NKAIN2: variants seen among roughly 807,000 people sequenced by gnomAD.
NKAIN2 encodes the protein sodium/potassium-transporting ATPase subunit beta-1-interacting protein 2.
A neutral mutation model predicts 32.6 loss-of-function variants in NKAIN2; 14 were observed. The ratio of observed to expected loss-of-function variants is 0.43; its 90% CI spans 0.28 to 0.67. NKAIN2 has a LOEUF of 0.67. Ranked by LOEUF, NKAIN2 falls within the 30% of genes least tolerant of loss-of-function variation. NKAIN2 has a pLI of 0.17. For synonymous variants in NKAIN2, 80 were observed against 87.2 expected (o/e 0.92, Z 0.46); for missense variants, 198 against 258.3 (o/e 0.77, Z 1.60).
At chr6:124,441,461 A>G (rs1322969265) in intron 3 of NKAIN2, among the ~76,000 whole-genome samples, 1 of 152,006 alleles carries the variant, frequency 6.6e-6, no homozygotes, top group Non-Finnish European at 1.5e-5. Context: ...GTGACTTACA[A>G]AGCCAGATTA....
chr6:124,208,771 T>C (rs1273836845), intron 1 of NKAIN2, among the ~76,000 whole-genome samples: 2 of 28,582 alleles, frequency 7.0e-5, no homozygotes, highest in East Asian at 2.1e-3. Context: ...GAAAAATATT[T>C]ATTTATTTAA....
rs74705051 is a variant in NKAIN2, at chr6:124,057,196, C to T, written c.55-225809C>T. 7.9e-5 allele frequency among the ~76,000 whole-genome samples: 12 copies of T among 152,156 alleles called. No individual in the cohort carries two copies. In the East Asian group the frequency reaches 2.3e-3, roughly 29 times the overall value. On this transcript the variant is annotated intron_variant, in intron 1 of 6. Coordinates refer to ENST00000368417, the MANE Select transcript of NKAIN2 (RefSeq NM_001040214.3). The stretch of plus-strand genomic sequence containing the variant: ...TCAATCTTTTTGGAGAGCTCATAAA[C>T]TCTAGCTCTGTCTTCCCTAGCATGC...
chr6:124,213,132 C>T (rs771255510), intron 1 of NKAIN2, among the ~76,000 whole-genome samples: 2 of 152,184 alleles, frequency 1.3e-5, no homozygotes, highest in Middle Eastern at 3.4e-3. Context: ...TAGTGATCCC[C>T]CCAGCTGATA....
At chr6:124,053,156 A>G (rs981691430) in intron 1 of NKAIN2, among the ~76,000 whole-genome samples, 2 of 152,006 alleles carry the variant, frequency 1.3e-5, no homozygotes, top group Non-Finnish European at 2.9e-5. Context: ...GCAAACTTGC[A>G]TCATGGGAGT....
intron 6 of NKAIN2, among the ~76,000 whole-genome samples, chr6:124,821,308 A>G (rs1781386358): frequency 6.6e-6 from 1 of 151,948 alleles, no homozygotes. Context: ...AAAAAAAAAA[A>G]AGGAGAATAA....
At chr6:124,744,476 T>C (rs2114696284) in intron 4 of NKAIN2, among the ~76,000 whole-genome samples, 1 of 151,978 alleles carries the variant, frequency 6.6e-6, no homozygotes, top group African/African-American at 2.4e-5. Context: ...TGCTTATCTG[T>C]TAAAAAACAA....
chr6:124,314,372 T>G (rs895598973), intron 2 of NKAIN2, among the ~76,000 whole-genome samples: 1 of 152,156 alleles, frequency 6.6e-6, no homozygotes, highest in African/African-American at 2.4e-5. Context: ...ACATTACTCC[T>G]ATAAGTTTTG....
chr6:124,204,116 C>G (rs1321796880), intron 1 of NKAIN2, among the ~76,000 whole-genome samples: 1 of 151,782 alleles, frequency 6.6e-6, no homozygotes, highest in Non-Finnish European at 1.5e-5. Context: ...CTTATTACAC[C>G]TAAACTATAG....
At chr6:124,711,524 A>G (rs1364321854) in intron 4 of NKAIN2, among the ~76,000 whole-genome samples, 2 of 150,324 alleles carry the variant, frequency 1.3e-5, no homozygotes, top group Non-Finnish European at 3.0e-5. Context: ...ATTTCTTTTT[A>G]TTCTTTTTTC....
chr6:123,922,035 G>C (rs1007217057), intron 1 of NKAIN2, among the ~76,000 whole-genome samples: 2 of 151,984 alleles, frequency 1.3e-5, no homozygotes, highest in African/African-American at 4.8e-5. Context: ...CATTAATTTA[G>C]CTCAGGATTT....
chr6:123,828,888 A>G (rs1378033041), intron 1 of NKAIN2: 1 of 152,180 alleles, frequency 6.6e-6, no homozygotes, highest in African/African-American at 2.4e-5. Flanking sequence ...CCTTCAGGCC[A>G]GATCAGGTTC....
In NKAIN2 at chr6:124,170,935, C is replaced by T. The variant is rs111359528; in HGVS notation, c.55-112070C>T. Among the ~76,000 whole-genome samples the T allele has an allele frequency of 1.4e-3, 207 of 152,166 alleles. 1 individual carries two copies. Among genetic ancestry groups the T allele is most frequent in the African/African-American group, 4.8e-3 (198 of 41,520 alleles). ...GTTTTTTCCCCAATTCAAAGCTTAC[C>T]TTTTCACTCTGGTAAAATGCTCCTT... On this transcript the variant is annotated intron_variant, in intron 1 of 6. Coordinates refer to ENST00000368417, the MANE Select transcript of NKAIN2 (RefSeq NM_001040214.3).
At chr6:124,156,471 A>T (rs1787993236) in intron 1 of NKAIN2, among the ~76,000 whole-genome samples, 1 of 152,134 alleles carries the variant, frequency 6.6e-6, no homozygotes, top group Admixed American at 6.5e-5. Flanking sequence ...TCATATAGCC[A>T]TCTGGGGAAA....
chr6:123,914,873 A>G (rs1452535674), intron 1 of NKAIN2, among the ~76,000 whole-genome samples: 2 of 152,156 alleles, frequency 1.3e-5, no homozygotes, highest in African/African-American at 4.8e-5. Flanking sequence ...GAACTTGATC[A>G]TGCTTTTGGA....
chr6:124,503,428 T>G (rs1778367282), intron 3 of NKAIN2, among the ~76,000 whole-genome samples: 1 of 152,158 alleles, frequency 6.6e-6, no homozygotes, highest in Admixed American at 6.5e-5. Context: ...TTACTTGTGC[T>G]GATGTGAAAT....
chr6:124,760,491 T>A (rs1482686985), intron 4 of NKAIN2, among the ~76,000 whole-genome samples: 3 of 151,572 alleles, frequency 2.0e-5, no homozygotes, highest in Non-Finnish European at 2.9e-5. Context: ...AAAATAAATT[T>A]AAAAAAAGCT....
chr6:124,043,398 G>A (rs1781967952), intron 1 of NKAIN2, among the ~76,000 whole-genome samples: 1 of 151,860 alleles, frequency 6.6e-6, no homozygotes, highest in African/African-American at 2.4e-5. Context: ...TTATTTACAG[G>A]AGTGCTAAAA....
At chr6:124,436,313 T>C (rs552313205) in intron 3 of NKAIN2, among the ~76,000 whole-genome samples, 30 of 152,280 alleles carry the variant, frequency 2.0e-4, no homozygotes, top group African/African-American at 6.3e-4. Flanking sequence ...AGCTCCTTCC[T>C]CTAAGCATGA....
intron 1 of NKAIN2, among the ~76,000 whole-genome samples, chr6:124,119,510 C>T (rs529280240): frequency 7.2e-5 from 11 of 152,218 alleles, no homozygotes; most frequent in Non-Finnish European, 1.3e-4. Flanking sequence ...TGATATGAAT[C>T]GATAGATCAT....
Sources: gnomAD v4.1 joint callset for allele counts (sites outside exome capture counted in the v4.1 genomes callset) on GRCh38, gnomAD v4.1.1 for gene constraint, MANE v1.5 for transcripts, NCBI Gene and HGNC (gene_info 2026-07-23, HGNC 2026-07-21) for gene names.